The following USP13 variants were observed in gnomAD, a reference collection of about 807,000 sequenced individuals.
USP13 encodes the protein ubiquitin carboxyl-terminal hydrolase 13.
In USP13, 68 loss-of-function variants were observed where a neutral mutation model predicts 107.8. The ratio of observed to expected loss-of-function variants is 0.63; its 90% CI spans 0.52 to 0.77. USP13 has a LOEUF of 0.77. USP13 is among the 30% of genes least tolerant of loss of function. The probability of loss-of-function intolerance (pLI) is 0.00; values close to 1 mark genes in which losing one functional copy is unlikely to be tolerated. For synonymous variants in USP13, 377 were observed against 389.5 expected (o/e 0.97, Z 0.38); for missense variants, 945 against 1,093.3 (o/e 0.86, Z 1.91).
Position 179,721,749 on chromosome 3 carries a change from T to C in USP13, c.1088+160T>C, listed in dbSNP as rs566698050. On this transcript the variant is annotated intron_variant, in intron 8 of 20. Transcript: ENST00000263966. This position sits in a 1 kb window ranked among gnomAD's most constrained non-coding sequence, Gnocchi z 4.3. ...TACAGAGACTGGGTGAGAACACTTG[T>C]CAAGTATTATGGGGATCAGGTGAGA... Among the ~76,000 whole-genome samples the C allele has an allele frequency of 4.7e-4, 72 of 152,156 alleles. No individual in the cohort carries two copies. The highest frequency in any genetic ancestry group is 9.7e-4 in the Non-Finnish European group (66 of 67,988).
intron 10 of USP13, among the ~76,000 whole-genome samples, chr3:179,733,731 C>T (rs1005033442): frequency 1.3e-5 from 2 of 152,154 alleles, no homozygotes; most frequent in East Asian, 3.9e-4. Flanking sequence ...GTGGCAGAAA[C>T]GCCTTTTTAC....
intron 19 of USP13, among the ~76,000 whole-genome samples, chr3:179,776,973 T>G (rs1405119582): frequency 6.7e-6 from 1 of 148,278 alleles, no homozygotes; most frequent in East Asian, 2.1e-4. Flanking sequence ...GAGACAAATA[T>G]AAATTGAGAT....
chr3:179,658,733 A>G (rs1239620332), intron 1 of USP13, among the ~76,000 whole-genome samples: 1 of 151,978 alleles, frequency 6.6e-6, no homozygotes, highest in Non-Finnish European at 1.5e-5. Context: ...TGGGGAGAGT[A>G]CTGTATTTAT....
In USP13 at chr3:179,742,292, G is replaced by A. The variant is rs35132005; in HGVS notation, c.1476G>A (p.Thr492=). ...QCCQTRKVRY[T]ERVDYLMQLP... ...GTCAGACCCGGAAAGTCCGCTACACGGAGAGGGTGGATTACCTGATGCAGT... is the reference window on the plus strand; with the variant it reads ...GTCAGACCCGGAAAGTCCGCTACACAGAGAGGGTGGATTACCTGATGCAGT... Residue 492 remains threonine (T), a synonymous_variant, in exon 12 of 21, where the codon ACG becomes ACA. Coordinates refer to ENST00000263966, the MANE Select transcript of USP13 (RefSeq NM_003940.3). The surrounding 1 kb of genome is among the most constrained non-coding windows in gnomAD (Gnocchi z 5.0). 2,537 of 1,614,222 alleles carry A rather than the reference G, an allele frequency of 1.6e-3. 26 individuals are homozygous for A. In the African/African-American group the frequency reaches 0.028, roughly 18 times the overall value.
chr3:179,765,917 A>G (rs111862535), intron 19 of USP13, 69 bp downstream of exon 19: 6 of 1,503,152 alleles, frequency 4.0e-6, no homozygotes, highest in South Asian at 2.6e-5. Flanking sequence ...CTTCCCTCCC[A>G]CCACAACATA....
chr3:179,704,240 C>T (rs1367127464), intron 4 of USP13, among the ~76,000 whole-genome samples: 2 of 152,048 alleles, frequency 1.3e-5, no homozygotes, highest in Non-Finnish European at 2.9e-5. Flanking sequence ...CAAAGATATT[C>T]AAGGACAAAG....
chr3:179,672,217 A>G (rs1359275867), intron 1 of USP13, among the ~76,000 whole-genome samples: 1 of 152,216 alleles, frequency 6.6e-6, no homozygotes, highest in African/African-American at 2.4e-5. Flanking sequence ...AGGCAATATA[A>G]AATCAGTGAC....
chr3:179,765,977 GTTT>G, intron 19 of USP13, 129 bp downstream of exon 19: 22 of 743,060 alleles, frequency 3.0e-5, no homozygotes, highest in East Asian at 3.5e-5. Flanking sequence ...CATCTTCTTC[GTTT>G]TTTTTTTTTT....
At chr3:179,688,099 G>GTCATCCATCCA (rs1711945601) in intron 2 of USP13, among the ~76,000 whole-genome samples, 1 of 140,532 alleles carries the variant, frequency 7.1e-6, no homozygotes, top group Admixed American at 7.2e-5. Context: ...CCATCCATCC[G>GTCATCCATCCA]TCCATCCATC....
chr3:179,752,454 T>C (rs1560074781), intron 14 of USP13, 81 bp downstream of exon 14: 2 of 1,035,540 alleles, frequency 1.9e-6, no homozygotes, highest in Non-Finnish European at 3.0e-6. Context: ...GCCCATGTAG[T>C]TGGCTGCCAC....
At chr3:179,740,930 C>T (rs1714174260) in intron 11 of USP13, among the ~76,000 whole-genome samples, 1 of 151,928 alleles carries the variant, frequency 6.6e-6, no homozygotes, top group African/African-American at 2.4e-5. Context: ...CCACGCCCGG[C>T]TAATTTTTGT....
At chr3:179,660,113 A>T (rs1276085820) in intron 1 of USP13, among the ~76,000 whole-genome samples, 2 of 152,166 alleles carry the variant, frequency 1.3e-5, no homozygotes, top group South Asian at 2.1e-4. Flanking sequence ...TTACATTCGC[A>T]TGGAAACATT....
intron 8 of USP13, among the ~76,000 whole-genome samples, chr3:179,728,609 A>T (rs1713664014): frequency 1.3e-5 from 2 of 151,864 alleles, no homozygotes. Flanking sequence ...CAATCTCAGC[A>T]CTTTGGGAGG....
intron 1 of USP13, among the ~76,000 whole-genome samples, chr3:179,659,871 G>A (rs914508796): frequency 3.9e-5 from 6 of 152,012 alleles, no homozygotes; most frequent in Non-Finnish European, 7.4e-5. Context: ...GTGAAACCCC[G>A]TCTCTACTAA....
At chr3:179,744,977 G>A in intron 12 of USP13, 66 bp from the exon 13 acceptor site, 1 of 1,591,368 alleles carries the variant, frequency 6.3e-7, no homozygotes, top group Admixed American at 1.7e-5. Context: ...ACTGTCCAAA[G>A]AGGGTGCTTT....
intron 15 of USP13, 47 bp from the exon 16 acceptor site, chr3:179,757,005 C>G: frequency 6.2e-7 from 1 of 1,608,640 alleles, no homozygotes. Flanking sequence ...TCTAAAACTC[C>G]TCAACATGGT....
At chr3:179,655,796 A>G (rs1019218727) in intron 1 of USP13, among the ~76,000 whole-genome samples, 10 of 151,798 alleles carry the variant, frequency 6.6e-5, no homozygotes, top group Non-Finnish European at 1.0e-4. Context: ...CAAGTGATCC[A>G]CTCACCTTGG....
chr3:179,700,312 T>C (rs1161364810), intron 3 of USP13, among the ~76,000 whole-genome samples: 3 of 152,154 alleles, frequency 2.0e-5, no homozygotes, highest in African/African-American at 7.2e-5. Flanking sequence ...CTCAACACTT[T>C]AAGAGAGGGA....
intron 1 of USP13, among the ~76,000 whole-genome samples, chr3:179,654,589 T>C (rs1397528648): frequency 2.6e-5 from 4 of 152,208 alleles, no homozygotes; most frequent in Admixed American, 2.6e-4. Context: ...ACCAGGTTAT[T>C]TTTATCCACC....
Sources: gnomAD v4.1 joint callset for allele counts (sites outside exome capture counted in the v4.1 genomes callset) on GRCh38, gnomAD v4.1.1 for gene constraint, Gnocchi (gnomAD v3.1) non-coding constraint, MANE v1.5 for transcripts, NCBI Gene and HGNC (gene_info 2026-07-23, HGNC 2026-07-21) for gene names.